CTNND2: variants seen among roughly 807,000 people sequenced by gnomAD.
CTNND2 encodes catenin delta 2.
Under a neutral mutation model 144.4 loss-of-function variants are expected in CTNND2, and 22 were observed. The ratio of observed to expected loss-of-function variants is 0.15; its 90% CI spans 0.11 to 0.22. The LOEUF (loss-of-function observed/expected upper bound fraction) is 0.22, where lower values mean the gene tolerates loss of function less well. Ranked by LOEUF, CTNND2 falls within the 10% of genes least tolerant of loss-of-function variation. The pLI is 1.00. For synonymous variants in CTNND2, 751 were observed against 695.6 expected (o/e 1.08, Z -1.25); for missense variants, 1,353 against 1,618.8 (o/e 0.84, Z 2.82).
At chr5:11,268,310 C>T (rs72730963) in intron 9 of CTNND2, among the ~76,000 whole-genome samples, 13,450 of 152,238 alleles carry the variant, frequency 0.088, 803 homozygotes, top group Middle Eastern at 0.19. Flanking sequence ...AGCCCAGGCA[C>T]GGTAGCTCAT....
chr5:11,765,096 T>G lies in CTNND2; in HGVS notation c.38-32824A>C, dbSNP rs143335080. ...AAAATGTTTATGAGCCTCTATTTGA[T>G]GCATTGAGCATAGAGAATACCAGAC... On this transcript the variant is annotated intron_variant, in intron 1 of 21. Transcript: ENST00000304623. Among the ~76,000 whole-genome samples, 45 of 150,608 alleles carry G rather than the reference T, an allele frequency of 3.0e-4. No homozygotes were observed. The East Asian group carries it at 7.5e-3, about 25-fold the overall frequency.
chr5:11,272,568 A>G (rs13153499), intron 9 of CTNND2, among the ~76,000 whole-genome samples: 4,954 of 152,152 alleles, frequency 0.033, 131 homozygotes, highest in South Asian at 0.091. Flanking sequence ...ATCCTATTCA[A>G]TCCCCTAAAT....
chr5:10,986,274 T>TGGAA (rs1470186251), intron 20 of CTNND2, among the ~76,000 whole-genome samples: 1 of 152,240 alleles, frequency 6.6e-6, no homozygotes, highest in African/African-American at 2.4e-5. Context: ...TATGTGCCAT[T>TGGAA]GGAACTGTTT....
intron 3 of CTNND2, among the ~76,000 whole-genome samples, chr5:11,477,348 C>T (rs1177396486): frequency 1.3e-5 from 2 of 151,422 alleles, no homozygotes; most frequent in Non-Finnish European, 2.9e-5. Context: ...GAGACTCAAC[C>T]CAAGGAAAAA....
At chr5:11,857,709 A>G (rs944602279) in intron 1 of CTNND2, among the ~76,000 whole-genome samples, 2 of 152,340 alleles carry the variant, frequency 1.3e-5, no homozygotes, top group East Asian at 3.9e-4. Flanking sequence ...ACAAATGTGC[A>G]TATTGGATCA....
intron 1 of CTNND2, among the ~76,000 whole-genome samples, chr5:11,875,524 CA>C: frequency 6.6e-6 from 1 of 152,098 alleles, no homozygotes; most frequent in African/African-American, 2.4e-5. Flanking sequence ...TATTTAAAGC[CA>C]GGGGCCTTTG....
At position 11,650,598 on chromosome 5, in the gene CTNND2, A is replaced by T. The variant is rs139884481; in HGVS notation, c.174+81538T>A. Among the ~76,000 whole-genome samples the T allele has an allele frequency of 1.2e-3, 190 of 152,316 alleles. 1 individual carries two copies. The highest frequency in any genetic ancestry group is 4.4e-3 in the African/African-American group (181 of 41,584). The stretch of plus-strand genomic sequence containing the variant: ...GAGATTTGTTATATTGTTGTGACCA[A>T]AATGATGATAGTGATATGGACAATG... On this transcript the variant is annotated intron_variant, in intron 2 of 21. Coordinates refer to ENST00000304623, the MANE Select transcript of CTNND2 (RefSeq NM_001332.4).
At chr5:11,000,757 T>A (rs935899913) in intron 18 of CTNND2, among the ~76,000 whole-genome samples, 2 of 152,182 alleles carry the variant, frequency 1.3e-5, no homozygotes, top group African/African-American at 4.8e-5. Flanking sequence ...CTCAGCTTCT[T>A]TTCCACACAT....
At chr5:11,826,467 C>T (rs539562477) in intron 1 of CTNND2, among the ~76,000 whole-genome samples, 12 of 152,008 alleles carry the variant, frequency 7.9e-5, no homozygotes, top group Admixed American at 4.6e-4. Context: ...GAAAATATAA[C>T]ACAATGATCA....
chr5:11,250,519 A>ATAT (rs1554012681), intron 9 of CTNND2, among the ~76,000 whole-genome samples: 4 of 83,220 alleles, frequency 4.8e-5, no homozygotes, highest in African/African-American at 1.2e-4. Flanking sequence ...ATATACATAT[A>ATAT]TTTTTTTTTT....
At chr5:11,675,451 C>A (rs937017780) in intron 2 of CTNND2, among the ~76,000 whole-genome samples, 3 of 152,128 alleles carry the variant, frequency 2.0e-5, no homozygotes, top group Non-Finnish European at 4.4e-5. Context: ...AGGCAACCAG[C>A]GCCCTCAGAG....
chr5:11,039,133 T>C (rs1229369188), intron 16 of CTNND2, among the ~76,000 whole-genome samples: 1 of 152,208 alleles, frequency 6.6e-6, no homozygotes, highest in Non-Finnish European at 1.5e-5. Flanking sequence ...CTTTCTACTG[T>C]AGTCCCAAAT....
chr5:11,124,620 C>T (rs13153695), intron 12 of CTNND2, among the ~76,000 whole-genome samples: 7,049 of 152,200 alleles, frequency 0.046, 233 homozygotes, highest in East Asian at 0.094. Context: ...CCTCCTCTTT[C>T]TCCTTCTTTC....
intron 3 of CTNND2, among the ~76,000 whole-genome samples, chr5:11,422,600 G>A (rs889190111): frequency 1.3e-5 from 2 of 151,870 alleles, no homozygotes; most frequent in African/African-American, 2.4e-5. Flanking sequence ...ACACTGTCAC[G>A]TCTGCGGGCC....
chr5:11,771,681 T>C lies in CTNND2; in HGVS notation c.38-39409A>G, dbSNP rs1207212377. 2.0e-5 allele frequency among the ~76,000 whole-genome samples: 3 copies of C among 152,216 alleles called. No individual in the cohort carries two copies. The East Asian group carries it at 5.8e-4, about 29-fold the overall frequency. ...ATAATCATTTATGCAGTCACTGTAA[T>C]AACTTTCTATTATCTATTACTTGAT... On this transcript the variant is annotated intron_variant, in intron 1 of 21. Transcript: ENST00000304623.
chr5:11,706,656 T>C (rs1195085204), intron 2 of CTNND2, among the ~76,000 whole-genome samples: 1 of 152,206 alleles, frequency 6.6e-6, no homozygotes, highest in Non-Finnish European at 1.5e-5. Flanking sequence ...GAATATCACA[T>C]CAGTAGAATC....
At position 11,493,174 on chromosome 5, in the gene CTNND2, A is replaced by T. The variant is rs116690055; in HGVS notation, c.287+71770T>A. Among the ~76,000 whole-genome samples the T allele has an allele frequency of 7.7e-3, 1,169 of 152,216 alleles. 12 individuals are homozygous for T. The highest frequency in any genetic ancestry group is 0.014 in the Admixed American group (212 of 15,280). On this transcript the variant is annotated intron_variant, in intron 3 of 21. Transcript: ENST00000304623. ...TACAGTTACTGGGTTTGAATGAGTGACCTGCGTGGCCTTGCTTAAATGACC... is the reference window on the plus strand; with the variant it reads ...TACAGTTACTGGGTTTGAATGAGTGTCCTGCGTGGCCTTGCTTAAATGACC...
intron 1 of CTNND2, among the ~76,000 whole-genome samples, chr5:11,776,665 C>A (rs1165160470): frequency 6.6e-6 from 1 of 152,118 alleles, no homozygotes; most frequent in Non-Finnish European, 1.5e-5. Context: ...AGCGACTGAT[C>A]AGGGATTTCC....
chr5:11,056,102 G>A (rs1326537049), intron 16 of CTNND2, among the ~76,000 whole-genome samples: 1 of 152,198 alleles, frequency 6.6e-6, no homozygotes, highest in East Asian at 1.9e-4. Context: ...CCCACCATCA[G>A]GCTTTTGCTA....
Sources: gnomAD v4.1 joint callset for allele counts (sites outside exome capture counted in the v4.1 genomes callset) on GRCh38, gnomAD v4.1.1 for gene constraint, MANE v1.5 for transcripts, NCBI Gene and HGNC (gene_info 2026-07-23, HGNC 2026-07-21) for gene names.